ANO10: variants seen among roughly 807,000 people sequenced by gnomAD.
ANO10 encodes the protein anoctamin-10.
In ANO10, 77 loss-of-function variants were observed where a neutral mutation model predicts 74.7. That is an observed-to-expected ratio of 1.03 (90% confidence interval 0.86 to 1.25). The LOEUF is 1.25. ANO10 is among the 50% of genes most tolerant of loss of function. The pLI is 0.00. For missense variants in ANO10, 721 were observed against 778.1 expected (o/e 0.93, Z 0.87); for synonymous variants, 279 against 284.9 (o/e 0.98, Z 0.21).
At chr3:43,536,918 T>C (rs898912022) in intron 11 of ANO10, among the ~76,000 whole-genome samples, 2 of 144,948 alleles carry the variant, frequency 1.4e-5, no homozygotes, top group African/African-American at 5.2e-5. Context: ...TCTTGGTGTA[T>C]AGCACTTTCA....
intron 3 of ANO10, 73 bp from the exon 4 acceptor site, chr3:43,598,739 G>T: frequency 8.2e-7 from 1 of 1,223,120 alleles, no homozygotes. Flanking sequence ...TGAGATTACA[G>T]AAATAATGGT....
chr3:43,390,871 T>C (rs1257185803), intron 12 of ANO10, among the ~76,000 whole-genome samples: 2 of 152,218 alleles, frequency 1.3e-5, no homozygotes, highest in Non-Finnish European at 2.9e-5. Flanking sequence ...TCAGAACGGA[T>C]CTAAGGATAA....
intron 6 of ANO10, among the ~76,000 whole-genome samples, chr3:43,576,070 C>A (rs2080979978): frequency 6.6e-6 from 1 of 152,180 alleles, no homozygotes; most frequent in Non-Finnish European, 1.5e-5. Flanking sequence ...CAACTTATAA[C>A]CAAGTTCCTT....
At chr3:43,428,537 CA>C (rs2092931946) in intron 12 of ANO10, among the ~76,000 whole-genome samples, 1 of 143,096 alleles carries the variant, frequency 7.0e-6, no homozygotes, top group African/African-American at 2.5e-5. Flanking sequence ...AAATCACCTT[CA>C]GGGCAAGCTA....
intron 9 of ANO10, 28 bp from the exon 10 acceptor site, chr3:43,555,497 T>C (rs778420223): frequency 6.2e-7 from 1 of 1,602,404 alleles, no homozygotes. Context: ...CATGCATTAT[T>C]TTAATATCAT....
intron 11 of ANO10, among the ~76,000 whole-genome samples, chr3:43,543,937 T>C (rs1408225874): frequency 6.6e-6 from 1 of 152,148 alleles, no homozygotes. Flanking sequence ...TAATTCAACA[T>C]GTCTGATAGG....
chr3:43,501,787 A>G (rs2077109139), intron 11 of ANO10, among the ~76,000 whole-genome samples: 1 of 152,214 alleles, frequency 6.6e-6, no homozygotes, highest in South Asian at 2.1e-4. Flanking sequence ...GTGGTGGAAG[A>G]TGACAGTGAG....
At chr3:43,388,516 A>G (rs1007004623) in intron 12 of ANO10, among the ~76,000 whole-genome samples, 3 of 152,178 alleles carry the variant, frequency 2.0e-5, no homozygotes, top group Non-Finnish European at 4.4e-5. Flanking sequence ...TAATGGAAAT[A>G]TAACTGCAGC....
chr3:43,388,988 G>C (rs1453746286), intron 12 of ANO10, among the ~76,000 whole-genome samples: 1 of 152,196 alleles, frequency 6.6e-6, no homozygotes, highest in Non-Finnish European at 1.5e-5. Context: ...TCAGAAACTG[G>C]AAAGTTCTAT....
At chr3:43,508,943 TAA>T (rs35265220) in intron 11 of ANO10, among the ~76,000 whole-genome samples, 2,393 of 104,684 alleles carry the variant, frequency 0.023, 26 homozygotes, top group Non-Finnish European at 0.03. Flanking sequence ...TAAAGTATAA[TAA>T]AAAAAAAAAA....
chr3:43,520,563 T>C (rs1472484245), intron 11 of ANO10, among the ~76,000 whole-genome samples: 4 of 152,216 alleles, frequency 2.6e-5, no homozygotes, highest in East Asian at 1.9e-4. Flanking sequence ...TGAAAATCAA[T>C]TGACCATAAA....
chr3:43,487,164 A>G (rs1401097170), intron 11 of ANO10, among the ~76,000 whole-genome samples: 3 of 150,626 alleles, frequency 2.0e-5, no homozygotes, highest in Non-Finnish European at 4.4e-5. Flanking sequence ...CCACTTGATC[A>G]CGGTGGATAA....
chr3:43,635,334 C>G (rs6802141), intron 1 of ANO10, among the ~76,000 whole-genome samples: 1 of 152,176 alleles, frequency 6.6e-6, no homozygotes, highest in Non-Finnish European at 1.5e-5. Flanking sequence ...CGTCTGAACT[C>G]TGGGTCACCA....
chr3:43,432,374 A>G lies in ANO10; in HGVS notation c.1914+237T>C, dbSNP rs11710079. ...TGTTCTTTTGCTGAATGCTAGCTCT[A>G]TTCTTTATTTAACATTGCCTGAATA... On this transcript the variant is annotated intron_variant, in intron 12 of 12. Transcript: ENST00000292246. Among the ~76,000 whole-genome samples, 28,377 of 152,088 alleles carry G rather than the reference A, an allele frequency of 0.19. 3,177 individuals are homozygous for G. The highest frequency in any genetic ancestry group is 0.36 in the Middle Eastern group (106 of 294).
intron 11 of ANO10, among the ~76,000 whole-genome samples, chr3:43,520,595 C>T (rs1024815194): frequency 3.3e-5 from 5 of 152,114 alleles, no homozygotes; most frequent in African/African-American, 1.2e-4. Context: ...GATTTCTGGC[C>T]TCTCAATTTG....
intron 8 of ANO10, among the ~76,000 whole-genome samples, chr3:43,563,788 G>C (rs2080171272): frequency 6.6e-6 from 1 of 152,072 alleles, no homozygotes; most frequent in Non-Finnish European, 1.5e-5. Flanking sequence ...CTCACACTTG[G>C]GAGCTAAAAA....
intron 1 of ANO10, among the ~76,000 whole-genome samples, chr3:43,638,320 A>G (rs1321352449): frequency 6.6e-6 from 1 of 152,230 alleles, no homozygotes; most frequent in East Asian, 1.9e-4. Flanking sequence ...CAAAAAGTTA[A>G]GAAGAGAAGC....
chr3:43,387,807 G>T (rs1262190758), intron 12 of ANO10, among the ~76,000 whole-genome samples: 1 of 152,124 alleles, frequency 6.6e-6, no homozygotes, highest in Non-Finnish European at 1.5e-5. Context: ...TGATGGTTTG[G>T]TGCACCTGCC....
intron 1 of ANO10, among the ~76,000 whole-genome samples, chr3:43,677,304 T>A (rs892983843): frequency 3.9e-5 from 6 of 152,142 alleles, no homozygotes; most frequent in African/African-American, 1.4e-4. Flanking sequence ...ATCCCAGCAC[T>A]TTGGGAGGCT....
Sources: allele counts gnomAD v4.1 joint callset (sites outside exome capture counted in the v4.1 genomes callset), GRCh38; gene constraint gnomAD v4.1.1; transcripts MANE v1.5; gene names NCBI Gene and HGNC (gene_info 2026-07-23, HGNC 2026-07-21).